TMEM26: variants seen among roughly 807,000 people sequenced by gnomAD.
TMEM26 encodes transmembrane protein 26.
A neutral mutation model predicts 28.8 loss-of-function variants in TMEM26; 38 were observed. That is an observed-to-expected ratio of 1.32 (90% CI 1.02 to 1.73). The LOEUF (loss-of-function observed/expected upper bound fraction) is 1.73. TMEM26 is among the 40% of genes most tolerant of loss of function. TMEM26 has a pLI of 0.00. For synonymous variants in TMEM26, 227 were observed against 182.9 expected, an observed-to-expected ratio of 1.24 and a Z score of -1.95; for missense variants, 518 against 447.1, an observed-to-expected ratio of 1.16 and a Z score of -1.43.
At position 61,406,718 on chromosome 10, in the gene TMEM26, T is replaced by C. The variant is rs1286093902; in HGVS notation, c.*3604A>G. On this transcript the variant is annotated 3_prime_UTR_variant, in exon 6 of 6. Coordinates refer to ENST00000399298, the MANE Select transcript of TMEM26 (RefSeq NM_178505.8). Reference sequence around the variant, plus strand: ...CATAGCAAAATAGTATAAATATAAATACTGCAGAGAAAATATTCTTATATG... The same window carrying C: ...CATAGCAAAATAGTATAAATATAAACACTGCAGAGAAAATATTCTTATATG... The C allele has an allele frequency of 1.3e-5, 2 of 152,074 alleles. No homozygotes were observed. The highest frequency in any genetic ancestry group is 2.4e-5 in the African/African-American group (1 of 41,438). The allele number at this position is 152,074 out of a possible 1,614,324, so 9.4% of individuals were successfully genotyped here. A position where few individuals can be genotyped will look rare whatever the true frequency, so the allele number is the denominator to read the frequency against.
chr10:61,434,822 T>C (rs1396846746), intron 2 of TMEM26, among the ~76,000 whole-genome samples: 1 of 152,202 alleles, frequency 6.6e-6, no homozygotes, highest in Non-Finnish European at 1.5e-5. Flanking sequence ...GATAAGGTTA[T>C]ATATTGGAGG....
intron 4 of TMEM26, among the ~76,000 whole-genome samples, chr10:61,425,922 G>A (rs1839824099): frequency 6.6e-6 from 1 of 152,034 alleles, no homozygotes; most frequent in Non-Finnish European, 1.5e-5. Context: ...CATATAACCA[G>A]CCATTCCACT....
chr10:61,440,221 T>A (rs188352771), intron 1 of TMEM26, among the ~76,000 whole-genome samples: 33 of 152,090 alleles, frequency 2.2e-4, no homozygotes, highest in Admixed American at 1.5e-3. Flanking sequence ...ACCTGGGCAA[T>A]TTAGTGAGAC....
intron 2 of TMEM26, among the ~76,000 whole-genome samples, chr10:61,432,641 G>A (rs941201168): frequency 5.5e-5 from 8 of 144,236 alleles, no homozygotes; most frequent in Admixed American, 7.0e-5. Flanking sequence ...TGTATTTAGA[G>A]AGGACTTATT....
Position 61,429,148 on chromosome 10 carries a change from T to G in TMEM26, c.385-2A>C, listed in dbSNP as rs763377228. 6 of 1,611,496 alleles carry G rather than the reference T, an allele frequency of 3.7e-6. No homozygotes were observed. The South Asian group carries it at 4.4e-5, about 12-fold the overall frequency. Reference sequence around the variant, plus strand: ...TAAGTTATTCACAAAAACTTTGGCCTGTTTAACAGAAATGTCATACAGACA... The same window carrying G: ...TAAGTTATTCACAAAAACTTTGGCCGGTTTAACAGAAATGTCATACAGACA... On this transcript the variant is annotated splice_acceptor_variant, in intron 3 of 5. Coordinates refer to ENST00000399298, the MANE Select transcript of TMEM26 (RefSeq NM_178505.8). LOFTEE classifies it high-confidence loss of function.
At chr10:61,451,244 G>A (rs935702465) in intron 1 of TMEM26, among the ~76,000 whole-genome samples, 3 of 152,164 alleles carry the variant, frequency 2.0e-5, no homozygotes, top group African/African-American at 4.8e-5. Flanking sequence ...AGATGTAGAC[G>A]TGAAGGTAAA....
Position 61,410,305 on chromosome 10 carries a change from C to T in TMEM26, c.*17G>A. The T allele has an allele frequency of 1.3e-6, 2 of 1,592,316 alleles. No individual in the cohort carries two copies. Among genetic ancestry groups the T allele is most frequent in the Non-Finnish European group, 8.6e-7 (1 of 1,166,738 alleles). ...CAGGGAGTCAGGTTCTAGCCGCAGACCACTGTCAATCAATAACTAAGGGGT... is the reference window on the plus strand; with the variant it reads ...CAGGGAGTCAGGTTCTAGCCGCAGATCACTGTCAATCAATAACTAAGGGGT... On this transcript the variant is annotated 3_prime_UTR_variant, in exon 6 of 6. Transcript: ENST00000399298.
intron 1 of TMEM26, among the ~76,000 whole-genome samples, chr10:61,438,874 G>A (rs903423480): frequency 1.3e-5 from 2 of 152,054 alleles, no homozygotes; most frequent in Non-Finnish European, 2.9e-5. Context: ...CAAACAAAAA[G>A]CTTTGGAAAG....
At chr10:61,432,394 G>A (rs189393897) in intron 2 of TMEM26, among the ~76,000 whole-genome samples, 159 of 152,080 alleles carry the variant, frequency 1.0e-3, no homozygotes, top group African/African-American at 3.7e-3. Flanking sequence ...AGTGAATTGT[G>A]CATGATATTT....
chr10:61,413,436 T>C (rs762322545), intron 5 of TMEM26, 23 bp downstream of exon 5: 21 of 1,602,282 alleles, frequency 1.3e-5, no homozygotes, highest in Non-Finnish European at 1.8e-5. Flanking sequence ...TCTATTTCTT[T>C]GCACAAACAT....
intron 4 of TMEM26, among the ~76,000 whole-genome samples, chr10:61,422,909 C>A (rs191948946): frequency 6.6e-6 from 1 of 151,966 alleles, no homozygotes; most frequent in Non-Finnish European, 1.5e-5. Flanking sequence ...ATCAACAAAA[C>A]CAATAAACCT....
intron 1 of TMEM26, among the ~76,000 whole-genome samples, chr10:61,451,216 C>T (rs1840274358): frequency 6.6e-6 from 1 of 152,148 alleles, no homozygotes; most frequent in Non-Finnish European, 1.5e-5. Context: ...CATGTCAGTA[C>T]CAATCAGCAG....
chr10:61,451,043 G>A (rs1430003683), intron 1 of TMEM26, among the ~76,000 whole-genome samples: 1 of 152,108 alleles, frequency 6.6e-6, no homozygotes. Flanking sequence ...GCCTGCTCAA[G>A]GTCTGACAGC....
intron 4 of TMEM26, among the ~76,000 whole-genome samples, chr10:61,417,718 T>A (rs923046784): frequency 6.6e-6 from 1 of 152,030 alleles, no homozygotes; most frequent in African/African-American, 2.4e-5. Flanking sequence ...TAGTACATGA[T>A]CTATTAATAT....
At position 61,408,118 on chromosome 10, in the gene TMEM26, G is replaced by A. The variant is rs758586285; in HGVS notation, c.*2204C>T. 6.6e-6 allele frequency: 1 copy of A among 152,102 alleles called. No individual in the cohort carries two copies. The highest frequency in any genetic ancestry group is 1.5e-5 in the Non-Finnish European group (1 of 68,020). The allele number at this position is 152,102 out of a possible 1,614,324, so 9.4% of individuals were successfully genotyped here. The stretch of plus-strand genomic sequence containing the variant: ...AAGCAGCCAGTATAAGAGAGTAGGA[G>A]TACTGGCAGCTAGGTTAACAAATGC... On this transcript the variant is annotated 3_prime_UTR_variant, in exon 6 of 6. Transcript: ENST00000399298.
chr10:61,451,271 T>C (rs1246439959), intron 1 of TMEM26, among the ~76,000 whole-genome samples: 2 of 152,210 alleles, frequency 1.3e-5, no homozygotes, highest in African/African-American at 4.8e-5. Flanking sequence ...TTGGCTATAG[T>C]ATTTACACAC....
At chr10:61,417,038 A>G (rs1444486373) in intron 4 of TMEM26, among the ~76,000 whole-genome samples, 1 of 152,050 alleles carries the variant, frequency 6.6e-6, no homozygotes, top group African/African-American at 2.4e-5. Context: ...AAGCAGGCAA[A>G]TATGAATTAT....
At chr10:61,426,196 A>G (rs896354717) in intron 4 of TMEM26, among the ~76,000 whole-genome samples, 1 of 152,160 alleles carries the variant, frequency 6.6e-6, no homozygotes, top group Non-Finnish European at 1.5e-5. Context: ...ACATTTTATA[A>G]TTCAAATTCC....
intron 4 of TMEM26, among the ~76,000 whole-genome samples, chr10:61,417,961 C>T (rs919223352): frequency 1.3e-5 from 2 of 151,976 alleles, no homozygotes; most frequent in African/African-American, 4.8e-5. Flanking sequence ...AGTCAAACAA[C>T]AAATTGGGTA....
Sources: gnomAD v4.1 joint callset for allele counts (sites outside exome capture counted in the v4.1 genomes callset) on GRCh38, gnomAD v4.1.1 for gene constraint, MANE v1.5 for transcripts, NCBI Gene and HGNC (gene_info 2026-07-23, HGNC 2026-07-21) for gene names.